Variants in OR51E2 observed in about 807,000 individuals in gnomAD.
The protein encoded by OR51E2 is olfactory receptor family 51 subfamily E member 2, also known as olfactory receptor 51E2.
Under a neutral mutation model 13.7 loss-of-function variants are expected in OR51E2, and 14 were observed. That is an observed-to-expected ratio of 1.02 (90% confidence interval 0.68 to 1.60). The LOEUF is 1.60. Ranked by LOEUF, OR51E2 falls within the 40% of genes most tolerant of loss-of-function variation. OR51E2 has a pLI of 0.00. For synonymous variants in OR51E2, 180 were observed against 157.6 expected (o/e 1.14, Z -1.07); for missense variants, 483 against 413.8 (o/e 1.17, Z -1.45).
chr11:4,692,775 G>A (rs947857389), intron 1 of OR51E2, among the ~76,000 whole-genome samples: 6 of 150,330 alleles, frequency 4.0e-5, no homozygotes, highest in Non-Finnish European at 8.8e-5. Context: ...AGGATGGAGA[G>A]GAACCTCAAC....
intron 1 of OR51E2, among the ~76,000 whole-genome samples, chr11:4,684,097 G>A (rs1209226228): frequency 6.6e-6 from 1 of 152,196 alleles, no homozygotes; most frequent in African/African-American, 2.4e-5. Context: ...GATAAAATTA[G>A]TACAAAGAGA....
chr11:4,683,303 G>T (rs945991711), intron 1 of OR51E2, among the ~76,000 whole-genome samples: 41 of 152,288 alleles, frequency 2.7e-4, no homozygotes, highest in African/African-American at 9.4e-4. Context: ...GTGTTCCAAG[G>T]CAGTGAGGAT....
rs145844401 is a variant in OR51E2, at chr11:4,681,073, C to T, written c.*676G>A. 1.3e-3 allele frequency: 203 copies of T among 153,990 alleles called. No homozygotes were observed. The Middle Eastern group carries it at 0.016, about 12-fold the overall frequency. The allele number at this position is 153,990 out of a possible 1,614,324, so 9.5% of individuals were successfully genotyped here. A position where few individuals can be genotyped will look rare whatever the true frequency, so the allele number is the denominator to read the frequency against. ...CCTATTTAAAAAGTTGTACACAGGC[C>T]GGGCACAGTGGTTCACACCTGTAAT... On this transcript the variant is annotated 3_prime_UTR_variant, in exon 2 of 2. Coordinates refer to ENST00000396950, the MANE Select transcript of OR51E2 (RefSeq NM_030774.4).
At chr11:4,692,235 A>G in intron 1 of OR51E2, 2 of 427,728 alleles carry the variant, frequency 4.7e-6, no homozygotes, top group South Asian at 3.4e-5. Context: ...GATCATTATA[A>G]TACAAAGTAA....
intron 1 of OR51E2, among the ~76,000 whole-genome samples, chr11:4,695,258 C>A (rs967983054): frequency 6.6e-6 from 1 of 152,126 alleles, no homozygotes; most frequent in African/African-American, 2.4e-5. Context: ...CATTTTCCAT[C>A]TCTTCTCATT....
At chr11:4,693,359 T>C (rs575956753) in intron 1 of OR51E2, among the ~76,000 whole-genome samples, 2 of 152,334 alleles carry the variant, frequency 1.3e-5, no homozygotes, top group African/African-American at 4.8e-5. Context: ...AAAGCAGTGC[T>C]TGAAAGATTT....
At chr11:4,686,893 G>T (rs1361186422) in intron 1 of OR51E2, among the ~76,000 whole-genome samples, 1 of 152,082 alleles carries the variant, frequency 6.6e-6, no homozygotes, top group Non-Finnish European at 1.5e-5. Flanking sequence ...CTTATAAGCT[G>T]CCAGGACTGT....
intron 1 of OR51E2, among the ~76,000 whole-genome samples, chr11:4,686,551 G>A (rs1392754949): frequency 6.6e-6 from 1 of 152,214 alleles, no homozygotes; most frequent in Admixed American, 6.5e-5. Context: ...GGGTGAATTT[G>A]AGGAGGACGA....
intron 1 of OR51E2, among the ~76,000 whole-genome samples, chr11:4,687,436 T>C (rs1057134338): frequency 6.6e-6 from 1 of 152,180 alleles, no homozygotes; most frequent in Non-Finnish European, 1.5e-5. Context: ...CTAGGTCATA[T>C]GAAAAGGAGC....
chr11:4,684,823 T>C (rs1322086297), intron 1 of OR51E2, among the ~76,000 whole-genome samples: 1 of 152,170 alleles, frequency 6.6e-6, no homozygotes, highest in African/African-American at 2.4e-5. Flanking sequence ...GTAGACTCCC[T>C]GCTAAACCCA....
chr11:4,681,691 T>C lies in OR51E2; in HGVS notation c.*58A>G. 1 of 1,587,756 alleles carries C rather than the reference T, an allele frequency of 6.3e-7. No homozygotes were observed. The highest frequency in any genetic ancestry group is 8.6e-7 in the Non-Finnish European group (1 of 1,161,188). ...ATGGGCAACTGGAAATAAGCTAGTG[T>C]TAGAAATAATTATGTTTATCAAGCC... On this transcript the variant is annotated 3_prime_UTR_variant, in exon 2 of 2. Coordinates refer to ENST00000396950, the MANE Select transcript of OR51E2 (RefSeq NM_030774.4).
At chr11:4,685,423 G>A (rs187805409) in intron 1 of OR51E2, among the ~76,000 whole-genome samples, 10 of 152,280 alleles carry the variant, frequency 6.6e-5, no homozygotes, top group African/African-American at 1.9e-4. Flanking sequence ...TCTGCTAGAC[G>A]CAGCAGACAT....
intron 1 of OR51E2, among the ~76,000 whole-genome samples, chr11:4,690,145 C>T (rs1847559771): frequency 6.6e-6 from 1 of 151,102 alleles, no homozygotes; most frequent in Non-Finnish European, 1.5e-5. Context: ...ACTCTGGAGT[C>T]AGTCTGCATG....
chr11:4,696,899 G>A (rs1425558105), intron 1 of OR51E2, among the ~76,000 whole-genome samples: 1 of 152,124 alleles, frequency 6.6e-6, no homozygotes, highest in Non-Finnish European at 1.5e-5. Context: ...ACTGACCTGG[G>A]TTCAGATTCT....
At chr11:4,685,526 G>A (rs983244361) in intron 1 of OR51E2, among the ~76,000 whole-genome samples, 6 of 152,162 alleles carry the variant, frequency 3.9e-5, no homozygotes, top group Admixed American at 3.9e-4. Flanking sequence ...ATAGGGGCAT[G>A]CAATTCTCCA....
At position 4,682,168 on chromosome 11, in the gene OR51E2, C is replaced by G. The variant is rs1244850982; in HGVS notation, c.544G>C (p.Asp182His). The G allele has an allele frequency of 1.2e-6, 2 of 1,614,240 alleles. No homozygotes were observed. Residue 182 changes from aspartate to histidine, a missense_variant, in exon 2 of 2, where the codon GAT (aspartate) becomes CAT (histidine). By Grantham distance (81) the Asp-to-His change is moderately conservative (BLOSUM62 -1). Transcript: ENST00000396950. ...VLSHSYCVHQDVMKLAYADTL... is the reference protein window; with the variant it reads ...VLSHSYCVHQHVMKLAYADTL... Reference sequence around the variant, plus strand: ...TCTGCATAGGCCAACTTCATTACATCCTGGTGGACACAATAGGAGTGCGAG... The same window carrying G: ...TCTGCATAGGCCAACTTCATTACATGCTGGTGGACACAATAGGAGTGCGAG...
chr11:4,694,575 T>TATATAC (rs72005121), intron 1 of OR51E2, among the ~76,000 whole-genome samples: 101 of 147,890 alleles, frequency 6.8e-4, no homozygotes, highest in Middle Eastern at 3.5e-3. Flanking sequence ...CATATATATA[T>TATATAC]ACACACACAC....
At position 4,692,164 on chromosome 11, in the gene OR51E2, T is replaced by A. The variant is rs746532112; in HGVS notation, c.-51+5489A>T. The A allele has an allele frequency of 1.8e-4, 83 of 453,490 alleles. 1 individual carries two copies. Among genetic ancestry groups the A allele is most frequent in the South Asian group, 1.3e-3 (82 of 63,826 alleles). 28.1% of individuals were successfully genotyped at this position (453,490 alleles called of 1,614,324 possible). A position where few individuals can be genotyped will look rare whatever the true frequency, so the allele number is the denominator to read the frequency against. Reference sequence around the variant, plus strand: ...TGGAACAGCAATATTACATTGGTCATAAGTGTGGAAAGCAGAGAAGCTTAC... The same window carrying A: ...TGGAACAGCAATATTACATTGGTCAAAAGTGTGGAAAGCAGAGAAGCTTAC... On this transcript the variant is annotated intron_variant, in intron 1 of 1. Coordinates refer to ENST00000396950, the MANE Select transcript of OR51E2 (RefSeq NM_030774.4).
chr11:4,683,696 T>A (rs1418527658), intron 1 of OR51E2, among the ~76,000 whole-genome samples: 1 of 152,254 alleles, frequency 6.6e-6, no homozygotes, highest in Non-Finnish European at 1.5e-5. Context: ...TTCCTGAAAC[T>A]TGTGCCAACA....
Sources: allele counts gnomAD v4.1 joint callset (sites outside exome capture counted in the v4.1 genomes callset), GRCh38; gene constraint gnomAD v4.1.1; transcripts MANE v1.5; gene names NCBI Gene and HGNC (gene_info 2026-07-23, HGNC 2026-07-21).